Variants in SLCO3A1 observed in about 807,000 individuals in gnomAD.
The protein encoded by SLCO3A1 is PGE1 transporter.
Under a neutral mutation model 63.1 loss-of-function variants are expected in SLCO3A1, and 27 were observed. That is an observed-to-expected ratio of 0.43 (90% CI 0.32 to 0.59). SLCO3A1 has a LOEUF of 0.59. Among genes scored for constraint, SLCO3A1 ranks in the 20% least tolerant of loss-of-function variants. SLCO3A1 has a pLI of 0.09. For synonymous variants in SLCO3A1, 473 were observed against 409.9 expected, an observed-to-expected ratio of 1.15 and a Z score of -1.86; for missense variants, 773 against 945.8, an observed-to-expected ratio of 0.82 and a Z score of 2.40.
chr15:92,104,591 A>T, intron 4 of SLCO3A1, 49 bp downstream of exon 4: 1 of 1,569,434 alleles, frequency 6.4e-7, no homozygotes, highest in Non-Finnish European at 8.6e-7. Flanking sequence ...GGGGATTGGG[A>T]TGGGGGTGAT....
chr15:91,932,818 T>A (rs1019829772), intron 2 of SLCO3A1, among the ~76,000 whole-genome samples: 5 of 152,232 alleles, frequency 3.3e-5, no homozygotes, highest in African/African-American at 1.2e-4. Context: ...ATCTAGAGAC[T>A]TTATCAGCTT....
At position 91,886,951 on chromosome 15, in the gene SLCO3A1, G is replaced by T. The variant is rs1897739074; in HGVS notation, c.181-29042G>T. ...TACAGCTGAAGTTGCAGTTGCGTGG[G>T]AGAGGGAGCAGGAGTTTATTCTCCC... On this transcript the variant is annotated intron_variant, in intron 1 of 9. Coordinates refer to ENST00000318445, the MANE Select transcript of SLCO3A1 (RefSeq NM_013272.4). This position sits in a 1 kb window ranked among gnomAD's most constrained non-coding sequence, Gnocchi z 4.9. Among the ~76,000 whole-genome samples, 1 of 152,174 alleles carries T rather than the reference G, an allele frequency of 6.6e-6. No individual in the cohort carries two copies. The highest frequency in any genetic ancestry group is 1.5e-5 in the Non-Finnish European group (1 of 68,026).
chr15:91,920,522 A>G (rs1898808199), intron 2 of SLCO3A1, among the ~76,000 whole-genome samples: 1 of 152,130 alleles, frequency 6.6e-6, no homozygotes, highest in East Asian at 1.9e-4. Flanking sequence ...GAGTTCTGTA[A>G]AGAGGTTGCA....
chr15:92,042,560 G>C (rs189218076), intron 2 of SLCO3A1, among the ~76,000 whole-genome samples: 8 of 152,250 alleles, frequency 5.3e-5, no homozygotes, highest in Admixed American at 5.2e-4. Context: ...TGCTTCAGAG[G>C]AGCACACAGA....
chr15:91,991,862 T>A (rs1490997309), intron 2 of SLCO3A1, among the ~76,000 whole-genome samples: 1 of 152,236 alleles, frequency 6.6e-6, no homozygotes, highest in Non-Finnish European at 1.5e-5. Flanking sequence ...ATTTTATTCA[T>A]TATGCTTGTG....
At chr15:91,889,434 T>C (rs1052598110) in intron 1 of SLCO3A1, among the ~76,000 whole-genome samples, 2 of 152,230 alleles carry the variant, frequency 1.3e-5, no homozygotes, top group African/African-American at 4.8e-5. Flanking sequence ...CCTTTGGTAG[T>C]GGGCAGTAAG....
Position 91,912,899 on chromosome 15 carries a change from T to C in SLCO3A1, c.181-3094T>C, listed in dbSNP as rs754460376. Among the ~76,000 whole-genome samples, 9 of 152,194 alleles carry C rather than the reference T, an allele frequency of 5.9e-5. No homozygotes were observed. The highest frequency in any genetic ancestry group is 1.3e-4 in the Non-Finnish European group (9 of 68,028). On this transcript the variant is annotated intron_variant, in intron 1 of 9. Coordinates refer to ENST00000318445, the MANE Select transcript of SLCO3A1 (RefSeq NM_013272.4). This position sits in a 1 kb window ranked among gnomAD's most constrained non-coding sequence, Gnocchi z 5.0. ...GCGAGGCTCCCCAAAGCCCCCTACCTCCCAGGTCTTTAGGCTGCCTTCCTT... is the reference window on the plus strand; with the variant it reads ...GCGAGGCTCCCCAAAGCCCCCTACCCCCCAGGTCTTTAGGCTGCCTTCCTT...
At chr15:92,039,327 G>GGGTAGA (rs1567081903) in intron 2 of SLCO3A1, among the ~76,000 whole-genome samples, 13 of 152,144 alleles carry the variant, frequency 8.5e-5, no homozygotes, top group Admixed American at 2.6e-4. Context: ...CAATCTACCC[G>GGGTAGA]TCTGACAAAG....
At chr15:91,949,654 G>A (rs1899931812) in intron 2 of SLCO3A1, among the ~76,000 whole-genome samples, 1 of 152,004 alleles carries the variant, frequency 6.6e-6, no homozygotes, top group Non-Finnish European at 1.5e-5. Flanking sequence ...AACTGTAGGT[G>A]AATTGCCAGC....
intron 2 of SLCO3A1, among the ~76,000 whole-genome samples, chr15:92,078,008 G>T (rs779150160): frequency 9.9e-5 from 15 of 152,278 alleles, no homozygotes; most frequent in Non-Finnish European, 1.6e-4. Flanking sequence ...GCCTCTCGGG[G>T]TTGTGAGGAT....
chr15:92,010,953 T>C (rs923305815), intron 2 of SLCO3A1, among the ~76,000 whole-genome samples: 3 of 152,230 alleles, frequency 2.0e-5, no homozygotes, highest in Non-Finnish European at 1.5e-5. Flanking sequence ...ATCTTCACAG[T>C]AGCCATCTAA....
At chr15:92,040,225 T>A (rs771287979) in intron 2 of SLCO3A1, among the ~76,000 whole-genome samples, 7 of 152,078 alleles carry the variant, frequency 4.6e-5, no homozygotes, top group African/African-American at 9.7e-5. Flanking sequence ...ATTAAAAAAA[T>A]AAAGGGCGCA....
At chr15:91,919,974 T>A (rs74028370) in intron 2 of SLCO3A1, among the ~76,000 whole-genome samples, 2,085 of 152,340 alleles carry the variant, frequency 0.014, 46 homozygotes, top group African/African-American at 0.048. Flanking sequence ...AGATAAATGA[T>A]GTTTTGTGTA....
At position 91,863,762 on chromosome 15, in the gene SLCO3A1, T is replaced by G. The variant is rs1044829133; in HGVS notation, c.180+9674T>G. Among the ~76,000 whole-genome samples, 9 of 152,250 alleles carry G rather than the reference T, an allele frequency of 5.9e-5. No homozygotes were observed. Among genetic ancestry groups the G allele is most frequent in the Admixed American group, 2.0e-4 (3 of 15,282 alleles). On this transcript the variant is annotated intron_variant, in intron 1 of 9. Coordinates refer to ENST00000318445, the MANE Select transcript of SLCO3A1 (RefSeq NM_013272.4). This position sits in a 1 kb window ranked among gnomAD's most constrained non-coding sequence, Gnocchi z 4.3. ...AAGAGCTTCAGAGAAGCCTCTCCTG[T>G]CCTTATGCAAAAAACTGAGGGCAAG...
intron 2 of SLCO3A1, among the ~76,000 whole-genome samples, chr15:92,015,836 A>G (rs12441537): frequency 0.12 from 17,639 of 152,166 alleles, 1,413 homozygotes; most frequent in East Asian, 0.42. Flanking sequence ...TTATAGGAAC[A>G]TGGCTTCAGA....
chr15:91,910,566 C>T lies in SLCO3A1; in HGVS notation c.181-5427C>T, dbSNP rs538741568. ...TCTGATGTATGACTTCATTAATGTC[C>T]GCAGAAGCAAGTATTGTTCTCTCCA... On this transcript the variant is annotated intron_variant, in intron 1 of 9. Transcript: ENST00000318445. Among the ~76,000 whole-genome samples the T allele has an allele frequency of 1.5e-4, 23 of 152,272 alleles. No homozygotes were observed. The East Asian group carries it at 1.5e-3, about 10-fold the overall frequency.
At chr15:91,924,338 A>G (rs970682664) in intron 2 of SLCO3A1, among the ~76,000 whole-genome samples, 6 of 152,116 alleles carry the variant, frequency 3.9e-5, no homozygotes, top group Non-Finnish European at 8.8e-5. Flanking sequence ...TTTCAAGAGG[A>G]TTGAGTTGCC....
chr15:92,127,394 C>T (rs144786727), intron 6 of SLCO3A1, among the ~76,000 whole-genome samples: 52 of 152,298 alleles, frequency 3.4e-4, no homozygotes, highest in African/African-American at 1.2e-3. Flanking sequence ...AGTTCCAGCG[C>T]CTCCTCTACC....
chr15:91,963,404 A>AGGGCGGGGGGGGGG (rs1176735786), intron 2 of SLCO3A1, among the ~76,000 whole-genome samples: 3 of 3,154 alleles, frequency 9.5e-4, no homozygotes, highest in African/African-American at 3.8e-3. Flanking sequence ...TAACTCGGGG[A>AGGGCGGGGGGGGGG]GGGTGGGGGG....
Sources: allele counts gnomAD v4.1 joint callset (sites outside exome capture counted in the v4.1 genomes callset), GRCh38; gene constraint gnomAD v4.1.1; non-coding constraint Gnocchi (gnomAD v3.1); transcripts MANE v1.5; gene names NCBI Gene and HGNC (gene_info 2026-07-23, HGNC 2026-07-21).